The following ZCWPW2 variants were observed in gnomAD, a reference collection of about 807,000 sequenced individuals.
ZCWPW2 encodes the protein zinc finger CW-type and PWWP domain containing 2, also known as zinc finger CW-type PWWP domain protein 2.
Under a neutral mutation model 46.6 loss-of-function variants are expected in ZCWPW2, and 45 were observed. The ratio of observed to expected loss-of-function variants is 0.96; its 90% CI spans 0.76 to 1.24. The LOEUF (loss-of-function observed/expected upper bound fraction) is 1.24, where lower values mean the gene tolerates loss of function less well. Among genes scored for constraint, ZCWPW2 ranks in the 50% most tolerant of loss-of-function variants. The pLI, the probability that ZCWPW2 is intolerant of heterozygous loss-of-function variation, is 0.00. For synonymous variants in ZCWPW2, 152 were observed against 137.1 expected, an observed-to-expected ratio of 1.11 and a Z score of -0.76; for missense variants, 429 against 403.9, an observed-to-expected ratio of 1.06 and a Z score of -0.53.
chr3:28,441,952 AT>A (rs1697776404), intron 4 of ZCWPW2, among the ~76,000 whole-genome samples: 2 of 152,116 alleles, frequency 1.3e-5, no homozygotes, highest in Middle Eastern at 3.2e-3. Context: ...CTCCACTGTG[AT>A]TTACCTATTT....
chr3:28,351,644 A>C (rs1206923094), intron 1 of ZCWPW2: 1 of 151,684 alleles, frequency 6.6e-6, no homozygotes, highest in Non-Finnish European at 1.5e-5. Flanking sequence ...TTTTTAAGAA[A>C]ATTTTTTAAG....
chr3:28,369,466 C>G (rs1308182555), intron 1 of ZCWPW2, among the ~76,000 whole-genome samples: 1 of 152,186 alleles, frequency 6.6e-6, no homozygotes, highest in African/African-American at 2.4e-5. Flanking sequence ...GGCTGCAGAA[C>G]AGCAGATATT....
chr3:28,407,210 G>A (rs953069292), intron 2 of ZCWPW2, among the ~76,000 whole-genome samples: 1 of 152,088 alleles, frequency 6.6e-6, no homozygotes, highest in African/African-American at 2.4e-5. Flanking sequence ...AATGCTAGCT[G>A]CTCCCTGCAT....
chr3:28,409,854 G>A (rs1696329090), intron 2 of ZCWPW2, among the ~76,000 whole-genome samples: 1 of 152,114 alleles, frequency 6.6e-6, no homozygotes, highest in African/African-American at 2.4e-5. Context: ...AAGTATATCA[G>A]TGTCAAAGTA....
chr3:28,449,795 T>G (rs898144249), intron 4 of ZCWPW2, among the ~76,000 whole-genome samples: 1 of 152,198 alleles, frequency 6.6e-6, no homozygotes, highest in Non-Finnish European at 1.5e-5. Context: ...TTTTTTAAGC[T>G]GATGCATGGT....
intron 1 of ZCWPW2, among the ~76,000 whole-genome samples, chr3:28,382,448 C>G (rs574741074): frequency 6.6e-6 from 1 of 152,094 alleles, no homozygotes; most frequent in Non-Finnish European, 1.5e-5. Flanking sequence ...AATTTAATTA[C>G]CTCTTTAAAG....
In ZCWPW2 at chr3:28,447,885, A is replaced by G. The variant is rs1698059336; in HGVS notation, c.492+12616A>G. On this transcript the variant is annotated intron_variant, in intron 4 of 9. Coordinates refer to ENST00000383768, the MANE Select transcript of ZCWPW2 (RefSeq NM_001040432.4). The stretch of plus-strand genomic sequence containing the variant: ...GTGGTGTGTGCCCAGGCAGACTTAG[A>G]GGGGTTCGTGCTGTGAGGCCTAAAG... 1.1e-5 allele frequency: 10 copies of G among 943,710 alleles called. 1 individual carries two copies. The South Asian group carries it at 1.3e-4, about 12-fold the overall frequency. 58.5% of individuals were successfully genotyped at this position (943,710 alleles called of 1,614,324 possible). A position where few individuals can be genotyped will look rare whatever the true frequency, so the allele number is the denominator to read the frequency against.
At chr3:28,499,223 A>G (rs1027158957) in intron 6 of ZCWPW2, among the ~76,000 whole-genome samples, 2 of 152,156 alleles carry the variant, frequency 1.3e-5, no homozygotes, top group African/African-American at 4.8e-5. Context: ...GAATCACCAC[A>G]CTGTCTTCCA....
chr3:28,477,932 AATTTAAC>A, intron 4 of ZCWPW2, among the ~76,000 whole-genome samples: 1 of 152,238 alleles, frequency 6.6e-6, no homozygotes, highest in South Asian at 2.1e-4. Flanking sequence ...GGACTAGGTC[AATTTAAC>A]ATTTATTTTT....
chr3:28,403,797 G>T (rs1401252705), intron 2 of ZCWPW2, among the ~76,000 whole-genome samples: 1 of 152,144 alleles, frequency 6.6e-6, no homozygotes, highest in Non-Finnish European at 1.5e-5. Flanking sequence ...GTGAGGAAAG[G>T]ACACTCTTTT....
intron 4 of ZCWPW2, among the ~76,000 whole-genome samples, chr3:28,465,503 A>G (rs1298093029): frequency 6.6e-6 from 1 of 152,222 alleles, no homozygotes; most frequent in Non-Finnish European, 1.5e-5. Flanking sequence ...TTACTTCAAC[A>G]TCTCACGAAA....
In ZCWPW2 at chr3:28,348,956, T is replaced by C. The variant is rs992282391; in HGVS notation, c.-381T>C. On this transcript the variant is annotated 5_prime_UTR_variant, in exon 1 of 10. Coordinates refer to ENST00000383768, the MANE Select transcript of ZCWPW2 (RefSeq NM_001040432.4). ...GGAGGGGAAGCACTCCGGAAAGTGATTGGAAGTGTGGATGAGCTCTCAGCC... is the reference window on the plus strand; with the variant it reads ...GGAGGGGAAGCACTCCGGAAAGTGACTGGAAGTGTGGATGAGCTCTCAGCC... 3.0e-6 allele frequency: 3 copies of C among 985,262 alleles called. No individual in the cohort carries two copies. Among genetic ancestry groups the C allele is most frequent in the African/African-American group, 1.7e-5 (1 of 57,158 alleles). The allele number at this position is 985,262 out of a possible 1,614,324, so 61.0% of individuals were successfully genotyped here.
rs1289442487 is a variant in ZCWPW2, at chr3:28,524,869, TTAAG to T, written c.*183_*186del. 19 of 403,902 alleles carry T rather than the reference TTAAG, an allele frequency of 4.7e-5. No individual in the cohort carries two copies. Among genetic ancestry groups the T allele is most frequent in the African/African-American group, 3.7e-4 (18 of 48,106 alleles). 25.0% of individuals were successfully genotyped at this position (403,902 alleles called of 1,614,324 possible). ...ATTTTTAGAGCCAGTCAAATGGTATTTAAGTTAGTGTTAAAAATTTAGAATTAAA... is the reference window on the plus strand; with the variant it reads ...ATTTTTAGAGCCAGTCAAATGGTATTTTAGTGTTAAAAATTTAGAATTAAA... On this transcript the variant is annotated 3_prime_UTR_variant, in exon 10 of 10. Coordinates refer to ENST00000383768, the MANE Select transcript of ZCWPW2 (RefSeq NM_001040432.4).
chr3:28,411,910 T>C (rs1696415912), intron 2 of ZCWPW2, among the ~76,000 whole-genome samples: 1 of 152,076 alleles, frequency 6.6e-6, no homozygotes, highest in Non-Finnish European at 1.5e-5. Context: ...TTGCTATGTA[T>C]TGGTTGGTCT....
At chr3:28,423,929 G>A (rs1298750288) in intron 3 of ZCWPW2, among the ~76,000 whole-genome samples, 1 of 151,816 alleles carries the variant, frequency 6.6e-6, no homozygotes. Flanking sequence ...CTCCTATTTT[G>A]GTGTTCATGT....
intron 1 of ZCWPW2, among the ~76,000 whole-genome samples, chr3:28,356,513 G>C (rs971776142): frequency 1.3e-5 from 2 of 152,104 alleles, no homozygotes; most frequent in South Asian, 2.1e-4. Context: ...GGTATATACC[G>C]AAAGGATTAT....
intron 6 of ZCWPW2, among the ~76,000 whole-genome samples, chr3:28,507,035 G>T (rs1700295820): frequency 6.6e-6 from 1 of 152,106 alleles, no homozygotes; most frequent in Admixed American, 6.6e-5. Context: ...CACCAGACTT[G>T]CTGGCTATTG....
At chr3:28,395,578 A>T (rs1695661557) in intron 2 of ZCWPW2, among the ~76,000 whole-genome samples, 1 of 152,138 alleles carries the variant, frequency 6.6e-6, no homozygotes, top group Non-Finnish European at 1.5e-5. Context: ...ATTTAGCCTT[A>T]AAAAGGAGAA....
intron 4 of ZCWPW2, among the ~76,000 whole-genome samples, chr3:28,469,072 G>A (rs1037107471): frequency 6.6e-5 from 10 of 152,128 alleles, no homozygotes; most frequent in African/African-American, 2.4e-4. Flanking sequence ...TAAAAAGAGG[G>A]AGGAAGGAGT....
Sources: gnomAD v4.1 joint callset for allele counts (sites outside exome capture counted in the v4.1 genomes callset) on GRCh38, gnomAD v4.1.1 for gene constraint, MANE v1.5 for transcripts, NCBI Gene and HGNC (gene_info 2026-07-23, HGNC 2026-07-21) for gene names.